JMY: variants seen among roughly 807,000 people sequenced by gnomAD.
The protein encoded by JMY is junction-mediating and -regulatory protein.
In JMY, 46 loss-of-function variants were observed where a neutral mutation model predicts 103.3. The ratio of observed to expected loss-of-function variants is 0.45; its 90% confidence interval spans 0.35 to 0.57. The LOEUF is 0.57. Among genes scored for constraint, JMY ranks in the 20% least tolerant of loss-of-function variants. The probability of loss-of-function intolerance (pLI) is 0.00; values close to 1 mark genes in which losing one functional copy is unlikely to be tolerated. For missense variants in JMY, 1,238 were observed against 1,255.2 expected, an observed-to-expected ratio of 0.99 and a Z score of 0.21; for synonymous variants, 526 against 489.3, an observed-to-expected ratio of 1.07 and a Z score of -0.99.
intron 4 of JMY, among the ~76,000 whole-genome samples, chr5:79,292,656 C>T (rs1348284090): frequency 6.6e-6 from 1 of 152,106 alleles, no homozygotes; most frequent in Non-Finnish European, 1.5e-5. Context: ...ACCTGGCTAA[C>T]ACTGAGTTAT....
At chr5:79,277,397 C>T (rs1745971341) in intron 1 of JMY, among the ~76,000 whole-genome samples, 1 of 150,924 alleles carries the variant, frequency 6.6e-6, no homozygotes, top group Non-Finnish European at 1.5e-5. Context: ...GAGGCCGAGG[C>T]GGGTGGCTGT....
intron 1 of JMY, among the ~76,000 whole-genome samples, chr5:79,264,068 C>T (rs116800585): frequency 2.6e-5 from 4 of 151,340 alleles, no homozygotes; most frequent in Non-Finnish European, 5.9e-5. Context: ...ATTACAGGCG[C>T]GAGTCACTGT....
In JMY at chr5:79,315,984, G is replaced by GT. The variant is rs1186477069; in HGVS notation, c.2660-13dup. ...GCAGTCCTAACTGTAATACTGTTCT[G>GT]TTTCATTTTCCAAAGTGAGCTCACC... On this transcript the variant is annotated splice_polypyrimidine_tract_variant and intron_variant, in intron 9 of 10. Coordinates refer to ENST00000396137, the MANE Select transcript of JMY (RefSeq NM_152405.5). 2 of 1,609,426 alleles carry GT rather than the reference G, an allele frequency of 1.2e-6. No homozygotes were observed. Among genetic ancestry groups the GT allele is most frequent in the East Asian group, 4.5e-5 (2 of 44,854 alleles).
chr5:79,324,523 C>T lies in JMY; in HGVS notation c.*2921C>T, dbSNP rs1747568368. 6.6e-6 allele frequency: 1 copy of T among 152,222 alleles called. No individual in the cohort carries two copies. Among genetic ancestry groups the T allele is most frequent in the South Asian group, 2.1e-4 (1 of 4,836 alleles). The allele number at this position is 152,222 out of a possible 1,614,324, so 9.4% of individuals were successfully genotyped here. Reference sequence around the variant, plus strand: ...TTGGGACATTTTGAGATTAATGTTACTGCCCACTTGACTGTCAATTTCAAA... The same window carrying T: ...TTGGGACATTTTGAGATTAATGTTATTGCCCACTTGACTGTCAATTTCAAA... On this transcript the variant is annotated 3_prime_UTR_variant, in exon 11 of 11. Coordinates refer to ENST00000396137, the MANE Select transcript of JMY (RefSeq NM_152405.5).
intron 1 of JMY, among the ~76,000 whole-genome samples, chr5:79,252,226 A>T (rs1745109039): frequency 6.6e-6 from 1 of 151,976 alleles, no homozygotes; most frequent in Non-Finnish European, 1.5e-5. Flanking sequence ...CCTACTGGTC[A>T]TTCAGGAGCA....
chr5:79,320,752 C>T (rs1261707669), intron 10 of JMY, among the ~76,000 whole-genome samples: 1 of 152,114 alleles, frequency 6.6e-6, no homozygotes, highest in Non-Finnish European at 1.5e-5. Context: ...TTTTATTTGA[C>T]ACAATGTAGC....
At chr5:79,280,031 C>T (rs376104617) in intron 2 of JMY, among the ~76,000 whole-genome samples, 2 of 151,976 alleles carry the variant, frequency 1.3e-5, no homozygotes, top group African/African-American at 4.8e-5. Flanking sequence ...AGTTTTTGTG[C>T]GGAGGTCTCC....
At chr5:79,267,405 T>C (rs1276854609) in intron 1 of JMY, among the ~76,000 whole-genome samples, 2 of 152,196 alleles carry the variant, frequency 1.3e-5, no homozygotes, top group Admixed American at 1.3e-4. Flanking sequence ...GCTCCATCTC[T>C]CCTAGCCTCT....
At chr5:79,313,192 C>T (rs1338933169) in intron 8 of JMY, among the ~76,000 whole-genome samples, 1 of 152,122 alleles carries the variant, frequency 6.6e-6, no homozygotes, top group Non-Finnish European at 1.5e-5. Context: ...CTTTATGAGG[C>T]TGAGGCAGGT....
chr5:79,242,657 C>G (rs1744776645), intron 1 of JMY, among the ~76,000 whole-genome samples: 1 of 152,116 alleles, frequency 6.6e-6, no homozygotes, highest in Non-Finnish European at 1.5e-5. Context: ...TTCTGCCATG[C>G]CTGTGGCCTG....
chr5:79,262,289 C>T (rs895592244), intron 1 of JMY, among the ~76,000 whole-genome samples: 1 of 152,140 alleles, frequency 6.6e-6, no homozygotes, highest in Non-Finnish European at 1.5e-5. Flanking sequence ...CTAAATAATT[C>T]GACTTTCTTT....
intron 2 of JMY, chr5:79,284,650 T>A: frequency 1.9e-5 from 29 of 1,566,002 alleles, no homozygotes; most frequent in Non-Finnish European, 2.5e-5. Flanking sequence ...ACCCTGAACA[T>A]CTTCAGTAAT....
chr5:79,286,456 C>T (rs551117992), intron 2 of JMY, among the ~76,000 whole-genome samples: 313 of 152,196 alleles, frequency 2.1e-3, no homozygotes, highest in Non-Finnish European at 3.1e-3. Flanking sequence ...GCCTGGCCAA[C>T]GTCGTGAAAC....
chr5:79,239,915 A>G (rs1158515016), intron 1 of JMY, among the ~76,000 whole-genome samples: 1 of 152,038 alleles, frequency 6.6e-6, no homozygotes, highest in African/African-American at 2.4e-5. Flanking sequence ...ATTTTCTAGA[A>G]CTCTTTAAAA....
chr5:79,265,955 T>A (rs781620735), intron 1 of JMY, among the ~76,000 whole-genome samples: 2 of 152,068 alleles, frequency 1.3e-5, no homozygotes, highest in Non-Finnish European at 2.9e-5. Context: ...GCTAGTACTG[T>A]ATTTTTAGTA....
chr5:79,268,790 C>G (rs1032092219), intron 1 of JMY, among the ~76,000 whole-genome samples: 1 of 152,170 alleles, frequency 6.6e-6, no homozygotes, highest in African/African-American at 2.4e-5. Flanking sequence ...GCCCGGTGAG[C>G]ATCTTTTCAC....
In JMY at chr5:79,316,309, A is replaced by G. The variant is rs2112122059; in HGVS notation, c.*2A>G. ...CCTTGCACAGACTGGGAGAACTAAC[A>G]AGTAAACGGCCTTATTGTCTTTAGT... On this transcript the variant is annotated splice_region_variant and 3_prime_UTR_variant, in exon 10 of 11. Coordinates refer to ENST00000396137, the MANE Select transcript of JMY (RefSeq NM_152405.5). The G allele has an allele frequency of 2.5e-6, 4 of 1,601,336 alleles. No homozygotes were observed. The highest frequency in any genetic ancestry group is 1.7e-4 in the Middle Eastern group (1 of 6,036).
rs749148903 is a variant in JMY, at chr5:79,300,133, A to C, written c.1528-20A>C. 8.1e-6 allele frequency: 13 copies of C among 1,610,492 alleles called. No individual in the cohort carries two copies. In the South Asian group the frequency reaches 1.2e-4, roughly 15 times the overall value. On this transcript the variant is annotated intron_variant, in intron 4 of 10. Transcript: ENST00000396137. Reference sequence around the variant, plus strand: ...TGTCCCCACCAGCTAGAAATTTTTTAATTTGTATTTTCAATGCAGATGCAG... The same window carrying C: ...TGTCCCCACCAGCTAGAAATTTTTTCATTTGTATTTTCAATGCAGATGCAG...
At chr5:79,260,134 G>A (rs1484352262) in intron 1 of JMY, among the ~76,000 whole-genome samples, 1 of 152,228 alleles carries the variant, frequency 6.6e-6, no homozygotes, top group African/African-American at 2.4e-5. Flanking sequence ...AAATGAACCT[G>A]ACGCACCCAG....
Sources: allele counts gnomAD v4.1 joint callset (sites outside exome capture counted in the v4.1 genomes callset), GRCh38; gene constraint gnomAD v4.1.1; transcripts MANE v1.5; gene names NCBI Gene and HGNC (gene_info 2026-07-23, HGNC 2026-07-21).